MTF2: variants seen among roughly 807,000 people sequenced by gnomAD.
The protein encoded by MTF2 is metal response element binding transcription factor 2, also known as metal-response element-binding transcription factor 2.
In MTF2, 11 loss-of-function variants were observed where a neutral mutation model predicts 79.5. The ratio of observed to expected loss-of-function variants is 0.14; its 90% CI spans 0.09 to 0.23. The LOEUF is 0.23. MTF2 is among the 10% of genes least tolerant of loss of function. The pLI, the probability that MTF2 is intolerant of heterozygous loss-of-function variation, is 1.00. For synonymous variants in MTF2, 208 were observed against 232.8 expected (o/e 0.89, Z 0.97); for missense variants, 486 against 711.2 (o/e 0.68, Z 3.60).
At chr1:93,104,734 T>C (rs942577237) in intron 1 of MTF2, among the ~76,000 whole-genome samples, 1 of 151,280 alleles carries the variant, frequency 6.6e-6, no homozygotes, top group South Asian at 2.1e-4. Flanking sequence ...TAAATATTGG[T>C]TAGATAAAAA....
At chr1:93,101,358 A>G (rs965064906) in intron 1 of MTF2, among the ~76,000 whole-genome samples, 2 of 137,722 alleles carry the variant, frequency 1.5e-5, no homozygotes, top group Admixed American at 1.5e-4. Context: ...AAAATTTACT[A>G]TCTTAACCTT....
At chr1:93,090,804 T>C (rs797592) in intron 1 of MTF2, among the ~76,000 whole-genome samples, 151,757 of 151,964 alleles carry the variant, frequency 1, 75,776 homozygotes, top group East Asian at 1. Context: ...GCTGGGACTA[T>C]AGGCACCCGC....
At chr1:93,092,426 A>G (rs1030469479) in intron 1 of MTF2, among the ~76,000 whole-genome samples, 2 of 152,240 alleles carry the variant, frequency 1.3e-5, no homozygotes, top group Non-Finnish European at 2.9e-5. Flanking sequence ...AAGTTTAAAA[A>G]TCAGATAATT....
chr1:93,122,154 G>A (rs1656508954), intron 9 of MTF2, among the ~76,000 whole-genome samples: 1 of 152,074 alleles, frequency 6.6e-6, no homozygotes, highest in Admixed American at 6.6e-5. Flanking sequence ...AAGGGGTAAG[G>A]CATTAGAAGT....
chr1:93,127,740 G>A (rs1336005405), intron 10 of MTF2, among the ~76,000 whole-genome samples: 2 of 152,052 alleles, frequency 1.3e-5, no homozygotes, highest in African/African-American at 4.8e-5. Flanking sequence ...AATATTTCTA[G>A]CTGAGTAGTC....
rs1207427135 is a variant in MTF2, at chr1:93,136,939, G to A, written c.1694G>A (p.Gly565Asp). ...GGTGCTGCAGGTAGAATAGCATGTG[G>A]CGAAAAATACCGAGTTTTGGCACGT... Reference protein sequence around the residue: ...YFGAAGRIACGEKYRVLARRV... With the variant: ...YFGAAGRIACDEKYRVLARRV... The change falls in exon 15 of 15, where the codon GGC becomes GAC. Residue 565 changes from glycine (G) to aspartate (D), a missense_variant. Gly to Asp is a moderately conservative substitution (Grantham distance 94). Around this residue, in one of 4 missense-constraint regions of MTF2, gnomAD observed 25 missense variants for 56.8 expected, o/e 0.44. Coordinates refer to ENST00000370298, the MANE Select transcript of MTF2 (RefSeq NM_007358.4). 6.2e-7 allele frequency: 1 copy of A among 1,613,932 alleles called. No homozygotes were observed. The highest frequency in any genetic ancestry group is 8.5e-7 in the Non-Finnish European group (1 of 1,180,008).
rs555860708 is a variant in MTF2 at position 93,113,058 on chromosome 1, A to G, written c.287-1630A>G. ...GATCGGAACCATAAACCCAGAAGCT[A>G]TGGGAGACCACCTTCAACGAAGTGT... On this transcript the variant is annotated intron_variant, in intron 3 of 14. Coordinates refer to ENST00000370298, the MANE Select transcript of MTF2 (RefSeq NM_007358.4). Among the ~76,000 whole-genome samples, 7 of 152,208 alleles carry G rather than the reference A, an allele frequency of 4.6e-5. No individual in the cohort carries two copies. In the South Asian group the frequency reaches 8.3e-4, roughly 18 times the overall value.
At chr1:93,118,664 A>G (rs547561844) in intron 7 of MTF2, among the ~76,000 whole-genome samples, 3 of 152,276 alleles carry the variant, frequency 2.0e-5, no homozygotes, top group South Asian at 4.1e-4. Flanking sequence ...ATTTGCTCCT[A>G]TTGACCCATA....
intron 10 of MTF2, 149 bp from the exon 11 acceptor site, chr1:93,129,129 A>G (rs1656820752): frequency 1.0e-5 from 5 of 478,208 alleles, no homozygotes; most frequent in African/African-American, 2.0e-5. Flanking sequence ...TGGGGCAGAT[A>G]AAAATCAAGG....
At chr1:93,102,134 A>T (rs1382081102) in intron 1 of MTF2, among the ~76,000 whole-genome samples, 1 of 152,234 alleles carries the variant, frequency 6.6e-6, no homozygotes, top group Non-Finnish European at 1.5e-5. Flanking sequence ...TTCCCCAATC[A>T]AAAAGTCTGT....
chr1:93,108,558 G>A (rs1324502061), intron 1 of MTF2, among the ~76,000 whole-genome samples: 1 of 150,894 alleles, frequency 6.6e-6, no homozygotes, highest in Non-Finnish European at 1.5e-5. Context: ...TAATCTTATT[G>A]GGGTTTCCCT....
intron 1 of MTF2, among the ~76,000 whole-genome samples, chr1:93,087,602 A>G (rs1018925304): frequency 5.3e-5 from 8 of 151,460 alleles, no homozygotes; most frequent in Admixed American, 4.6e-4. Flanking sequence ...ATGGCAAAAT[A>G]TACTGTGGAC....
At chr1:93,108,908 G>A (rs1655916468) in intron 1 of MTF2, among the ~76,000 whole-genome samples, 1 of 152,060 alleles carries the variant, frequency 6.6e-6, no homozygotes, top group African/African-American at 2.4e-5. Flanking sequence ...CATATAAGTG[G>A]AATAGTTGTC....
intron 11 of MTF2, among the ~76,000 whole-genome samples, chr1:93,131,388 TTTC>T (rs1656912285): frequency 6.6e-6 from 1 of 152,216 alleles, no homozygotes; most frequent in Admixed American, 6.5e-5. Flanking sequence ...ATAAAAGGAA[TTTC>T]TTTGAAGTGG....
chr1:93,084,004 C>T lies in MTF2; in HGVS notation c.5+4473C>T, dbSNP rs182743491. ...CCCCATCCTGTGCATTATCTTTTCA[C>T]TTTCCTGATGGTGTCCTTTTAAGCA... On this transcript the variant is annotated intron_variant, in intron 1 of 14. Coordinates refer to ENST00000370298, the MANE Select transcript of MTF2 (RefSeq NM_007358.4). Among the ~76,000 whole-genome samples, 5 of 152,150 alleles carry T rather than the reference C, an allele frequency of 3.3e-5. No individual in the cohort carries two copies. In the East Asian group the frequency reaches 9.6e-4, roughly 29 times the overall value.
chr1:93,091,910 A>G (rs1225052254), intron 1 of MTF2, among the ~76,000 whole-genome samples: 1 of 152,208 alleles, frequency 6.6e-6, no homozygotes. Flanking sequence ...AACTATATAT[A>G]AAGTATTTCT....
At chr1:93,096,846 A>T (rs1377509284) in intron 1 of MTF2, among the ~76,000 whole-genome samples, 2 of 130,148 alleles carry the variant, frequency 1.5e-5, no homozygotes, top group East Asian at 4.3e-4. Flanking sequence ...GGTCTAGTTC[A>T]GCTTCCCAGG....
chr1:93,128,204 A>AAT (rs1390414141), intron 10 of MTF2, among the ~76,000 whole-genome samples: 2 of 152,134 alleles, frequency 1.3e-5, no homozygotes, highest in Non-Finnish European at 2.9e-5. Context: ...GGGTACCAGA[A>AAT]ATATATCTGT....
intron 1 of MTF2, among the ~76,000 whole-genome samples, chr1:93,084,548 GGTATT>G (rs1442046900): frequency 2.0e-5 from 3 of 152,114 alleles, no homozygotes; most frequent in Non-Finnish European, 4.4e-5. Flanking sequence ...GATTTTGGTA[GGTATT>G]GTATTGAATC....
Sources: allele counts gnomAD v4.1 joint callset (sites outside exome capture counted in the v4.1 genomes callset), GRCh38; gene constraint gnomAD v4.1.1; regional missense constraint gnomAD v4.1.1; transcripts MANE v1.5; gene names NCBI Gene and HGNC (gene_info 2026-07-23, HGNC 2026-07-21).